Variants in ARHGAP18 observed in about 807,000 individuals in gnomAD.
ARHGAP18 encodes the protein Rho GTPase activating protein 18, also known as rho GTPase-activating protein 18.
A neutral mutation model predicts 86.2 loss-of-function variants in ARHGAP18; 67 were observed. The observed-to-expected ratio is 0.78, with a 90% CI of 0.64 to 0.95. The LOEUF is 0.95. Among genes scored for constraint, ARHGAP18 ranks in the 40% least tolerant of loss-of-function variants. The pLI is 0.00. For missense variants in ARHGAP18, 691 were observed against 780.4 expected, an observed-to-expected ratio of 0.89 and a Z score of 1.37; for synonymous variants, 283 against 280.4, an observed-to-expected ratio of 1.01 and a Z score of -0.09.
intron 2 of ARHGAP18, among the ~76,000 whole-genome samples, chr6:129,639,091 A>C (rs1762836874): frequency 6.6e-6 from 1 of 152,224 alleles, no homozygotes; most frequent in South Asian, 2.1e-4. Context: ...CAGGAAGTGC[A>C]GCAAAGAAGT....
chr6:129,638,683 A>AT lies in ARHGAP18; in HGVS notation c.317-55dup, dbSNP rs533632997. Reference sequence around the variant, plus strand: ...AATCACAAAATATAACAACCTTTACATTTTTTAAGCTGTTAAAAATTCTTA... The same window carrying AT: ...AATCACAAAATATAACAACCTTTACATTTTTTTAAGCTGTTAAAAATTCTTA... On this transcript the variant is annotated intron_variant, in intron 2 of 14. Coordinates refer to ENST00000368149, the MANE Select transcript of ARHGAP18 (RefSeq NM_033515.3). 3.2e-3 allele frequency: 4,769 copies of AT among 1,511,314 alleles called. 14 individuals are homozygous for AT. The highest frequency in any genetic ancestry group is 9.7e-3 in the Middle Eastern group (57 of 5,850). 93.6% of individuals were successfully genotyped at this position (1,511,314 alleles called of 1,614,324 possible).
At chr6:129,676,726 C>T (rs185170830) in intron 1 of ARHGAP18, among the ~76,000 whole-genome samples, 4 of 152,214 alleles carry the variant, frequency 2.6e-5, no homozygotes, top group Admixed American at 6.5e-5. Flanking sequence ...ACCAGTTAGA[C>T]ACGAGCTCCC....
intron 1 of ARHGAP18, among the ~76,000 whole-genome samples, chr6:129,689,754 C>CAT (rs1774491976): frequency 6.6e-6 from 1 of 152,156 alleles, no homozygotes; most frequent in African/African-American, 2.4e-5. Context: ...AAGCAGAATA[C>CAT]ATATATATTG....
At chr6:129,598,204 C>A (rs773643279) in intron 12 of ARHGAP18, among the ~76,000 whole-genome samples, 8 of 151,796 alleles carry the variant, frequency 5.3e-5, no homozygotes, top group Non-Finnish European at 1.0e-4. Flanking sequence ...AATATCAAGG[C>A]CTTTCTAAAA....
chr6:129,670,429 C>T (rs1203562580), intron 1 of ARHGAP18, among the ~76,000 whole-genome samples: 1 of 152,162 alleles, frequency 6.6e-6, no homozygotes, highest in East Asian at 1.9e-4. Context: ...TATTTCAGAA[C>T]TGAGTGGCAA....
At chr6:129,627,790 A>G (rs1304281990) in intron 5 of ARHGAP18, among the ~76,000 whole-genome samples, 6 of 152,164 alleles carry the variant, frequency 3.9e-5, no homozygotes, top group African/African-American at 1.4e-4. Flanking sequence ...CAAACTGTAT[A>G]AAAAGATTAT....
intron 6 of ARHGAP18, among the ~76,000 whole-genome samples, chr6:129,616,878 C>T (rs1789110071): frequency 6.6e-6 from 1 of 152,138 alleles, no homozygotes; most frequent in Non-Finnish European, 1.5e-5. Context: ...ATAGCTTGAG[C>T]CTGGGAGGTT....
intron 1 of ARHGAP18, among the ~76,000 whole-genome samples, chr6:129,686,494 C>T (rs1029502514): frequency 1.2e-4 from 19 of 152,188 alleles, no homozygotes; most frequent in African/African-American, 4.1e-4. Context: ...AGGTTCCCTG[C>T]GCAGGTAAGC....
chr6:129,624,192 A>G (rs1385942980), intron 5 of ARHGAP18, among the ~76,000 whole-genome samples: 3 of 152,160 alleles, frequency 2.0e-5, no homozygotes, highest in Non-Finnish European at 2.9e-5. Flanking sequence ...CTGTCCTTCA[A>G]TTTAAAACCT....
chr6:129,629,303 ATATATG>A (rs1225207770), intron 5 of ARHGAP18, 44 bp downstream of exon 5: 9 of 1,483,762 alleles, frequency 6.1e-6, no homozygotes, highest in Admixed American at 3.5e-5. Flanking sequence ...GTGTGTGTAT[ATATATG>A]TATATGTACA....
rs550905247 is a variant in ARHGAP18 at position 129,636,176 on chromosome 6, C to A, written c.553-2071G>T. 1.2e-4 allele frequency among the ~76,000 whole-genome samples: 18 copies of A among 152,264 alleles called. No homozygotes were observed. In the East Asian group the frequency reaches 2.3e-3, roughly 20 times the overall value. ...AACACAAGTGGATATCCCAAATAAC[C>A]ACTGGGTGGTAAGCAAGTGCTTAAC... On this transcript the variant is annotated intron_variant, in intron 3 of 14. Coordinates refer to ENST00000368149, the MANE Select transcript of ARHGAP18 (RefSeq NM_033515.3).
At chr6:129,615,433 G>C (rs9388716) in intron 7 of ARHGAP18, among the ~76,000 whole-genome samples, 7,146 of 152,286 alleles carry the variant, frequency 0.047, 240 homozygotes, top group Admixed American at 0.11. Flanking sequence ...TAATTGACTG[G>C]TTTGGAAGAG....
chr6:129,679,865 G>A (rs1487816657), intron 1 of ARHGAP18, among the ~76,000 whole-genome samples: 1 of 152,132 alleles, frequency 6.6e-6, no homozygotes, highest in African/African-American at 2.4e-5. Flanking sequence ...GGATCACTGG[G>A]CTGAAATCCT....
At chr6:129,654,129 A>G (rs997789836) in intron 1 of ARHGAP18, among the ~76,000 whole-genome samples, 2 of 152,238 alleles carry the variant, frequency 1.3e-5, no homozygotes, top group South Asian at 4.1e-4. Flanking sequence ...AACAGAGCTC[A>G]TAGGGCAGTG....
chr6:129,666,529 T>C (rs1426595853), intron 1 of ARHGAP18, among the ~76,000 whole-genome samples: 1 of 152,174 alleles, frequency 6.6e-6, no homozygotes, highest in Non-Finnish European at 1.5e-5. Flanking sequence ...CACCTACTAG[T>C]TGCTCATGCT....
chr6:129,652,620 T>C (rs1363199118), intron 1 of ARHGAP18, among the ~76,000 whole-genome samples: 8 of 152,204 alleles, frequency 5.3e-5, no homozygotes, highest in Admixed American at 5.2e-4. Context: ...GCAATACAGA[T>C]AAATTTACGC....
intron 5 of ARHGAP18, among the ~76,000 whole-genome samples, chr6:129,625,585 TTA>T (rs1488265528): frequency 1.3e-5 from 1 of 77,192 alleles, no homozygotes; most frequent in East Asian, 4.3e-4. Flanking sequence ...ACATTATATA[TTA>T]TATATTTATA....
intron 1 of ARHGAP18, among the ~76,000 whole-genome samples, chr6:129,697,691 GA>G (rs1258185591): frequency 6.6e-6 from 1 of 151,978 alleles, no homozygotes; most frequent in Non-Finnish European, 1.5e-5. Flanking sequence ...CACTATAATA[GA>G]AAATAATTCA....
At chr6:129,619,111 T>C (rs1184384165) in intron 5 of ARHGAP18, among the ~76,000 whole-genome samples, 3 of 148,068 alleles carry the variant, frequency 2.0e-5, no homozygotes, top group Admixed American at 2.0e-4. Context: ...TACCAGTGGC[T>C]CAGAGGACAA....
Sources: gnomAD v4.1 joint callset for allele counts (sites outside exome capture counted in the v4.1 genomes callset) on GRCh38, gnomAD v4.1.1 for gene constraint, MANE v1.5 for transcripts, NCBI Gene and HGNC (gene_info 2026-07-23, HGNC 2026-07-21) for gene names.